The following DPY19L1 variants were observed in gnomAD, a reference collection of about 807,000 sequenced individuals.
DPY19L1 encodes the protein protein C-mannosyl-transferase DPY19L1.
DPY19L1 carries 35 observed loss-of-function variants against 96.9 expected under a neutral mutation model. The observed-to-expected ratio is 0.36, with a 90% CI of 0.28 to 0.48. The LOEUF (loss-of-function observed/expected upper bound fraction) is 0.48. DPY19L1 is among the 20% of genes least tolerant of loss of function. The probability of loss-of-function intolerance (pLI) is 0.99; values close to 1 mark genes in which losing one functional copy is unlikely to be tolerated. For missense variants in DPY19L1, 521 were observed against 777.9 expected (o/e 0.67, Z 3.93); for synonymous variants, 205 against 252.6 (o/e 0.81, Z 1.79).
Position 34,958,085 on chromosome 7 carries a change from G to GA in DPY19L1, c.1093-16dup. ...GCAAGAGAAATCTGGAAAAATCCAA[G>GA]AAAAAAATATAAGTAATGCACATAA... On this transcript the variant is annotated splice_polypyrimidine_tract_variant and intron_variant, in intron 10 of 21. Transcript: ENST00000638088. The GA allele has an allele frequency of 1.9e-6, 3 of 1,546,664 alleles. No homozygotes were observed. The highest frequency in any genetic ancestry group is 1.2e-5 in the South Asian group (1 of 81,388).
At chr7:34,969,000 T>C (rs1470574997) in intron 9 of DPY19L1, among the ~76,000 whole-genome samples, 1 of 152,090 alleles carries the variant, frequency 6.6e-6, no homozygotes, top group Non-Finnish European at 1.5e-5. Flanking sequence ...CTATTTATCC[T>C]GTAATCCTAT....
intron 20 of DPY19L1, 150 bp downstream of exon 20, chr7:34,939,126 C>A: frequency 1.6e-6 from 1 of 631,748 alleles, no homozygotes; most frequent in South Asian, 2.5e-5. Context: ...TAGAGCTTAG[C>A]GGTCTTATTT....
Position 34,966,946 on chromosome 7 carries a change from A to G in DPY19L1, c.1040T>C (p.Val347Ala), listed in dbSNP as rs752104609. Reference protein sequence around the residue: ...TQIASLFAVYVVGYIDICKLR... With the variant: ...TQIASLFAVYAVGYIDICKLR... ...TTTACATATATCAATGTACCCGACA[A>G]CATATACTGCAAATAATGATGCAAT... The change falls in exon 10 of 22, where the codon GTT (valine) becomes GCT (alanine). Residue 347 changes from valine to alanine, a missense_variant. Transcript: ENST00000638088. 17 of 1,541,886 alleles carry G rather than the reference A, an allele frequency of 1.1e-5. No individual in the cohort carries two copies. Among genetic ancestry groups the G allele is most frequent in the Non-Finnish European group, 1.5e-5 (17 of 1,145,896 alleles).
Position 34,929,619 on chromosome 7 carries a change from A to G in DPY19L1, c.*1954T>C, listed in dbSNP as rs181596454. ...AAATTGTAACTGCTGGATGTACACAATCAGCCACACTCAGGTGAGCAACAA... is the reference window on the plus strand; with the variant it reads ...AAATTGTAACTGCTGGATGTACACAGTCAGCCACACTCAGGTGAGCAACAA... On this transcript the variant is annotated 3_prime_UTR_variant, in exon 22 of 22. Transcript: ENST00000638088. 420 of 152,300 alleles carry G rather than the reference A, an allele frequency of 2.8e-3. 1 individual carries two copies. Among genetic ancestry groups the G allele is most frequent in the African/African-American group, 9.7e-3 (403 of 41,566 alleles). 9.4% of individuals were successfully genotyped at this position (152,300 alleles called of 1,614,324 possible).
intron 21 of DPY19L1, 77 bp downstream of exon 21, chr7:34,937,917 C>T: frequency 6.7e-7 from 1 of 1,494,054 alleles, no homozygotes; most frequent in South Asian, 1.2e-5. Context: ...CCCCCGCCAC[C>T]AGCAAAGCAT....
At chr7:35,036,628 A>T (rs1019870737) in intron 1 of DPY19L1, among the ~76,000 whole-genome samples, 1 of 152,138 alleles carries the variant, frequency 6.6e-6, no homozygotes, top group East Asian at 1.9e-4. Flanking sequence ...AAAGTACGCT[A>T]AAATTTAATT....
intron 11 of DPY19L1, among the ~76,000 whole-genome samples, chr7:34,956,711 G>T (rs1376608999): frequency 1.3e-5 from 2 of 151,964 alleles, no homozygotes; most frequent in East Asian, 1.9e-4. Context: ...CACCTTGTTA[G>T]CCAGGATGGT....
At chr7:35,029,112 T>G (rs1485935918) in intron 1 of DPY19L1, among the ~76,000 whole-genome samples, 1 of 152,208 alleles carries the variant, frequency 6.6e-6, no homozygotes, top group Non-Finnish European at 1.5e-5. Flanking sequence ...CCTAACCTTC[T>G]GGTAATGCAG....
intron 6 of DPY19L1, among the ~76,000 whole-genome samples, chr7:35,004,715 T>C (rs1338126272): frequency 6.6e-6 from 1 of 152,212 alleles, no homozygotes; most frequent in Non-Finnish European, 1.5e-5. Context: ...TAGCAATGCA[T>C]AAAATAAAGT....
intron 8 of DPY19L1, 29 bp downstream of exon 8, chr7:34,973,484 CA>C: frequency 7.3e-7 from 1 of 1,360,782 alleles, no homozygotes. Flanking sequence ...TTATTTAATG[CA>C]AAAAGAAATA....
At chr7:34,975,717 C>G (rs935551084) in intron 7 of DPY19L1, among the ~76,000 whole-genome samples, 1 of 152,128 alleles carries the variant, frequency 6.6e-6, no homozygotes, top group Non-Finnish European at 1.5e-5. Flanking sequence ...CTTGTTAGAC[C>G]TAATGCAACC....
chr7:34,956,290 A>G lies in DPY19L1; in HGVS notation c.1180-923T>C, dbSNP rs187374696. On this transcript the variant is annotated intron_variant, in intron 11 of 21. Coordinates refer to ENST00000638088, the MANE Select transcript of DPY19L1 (RefSeq NM_001366673.1). ...ACATGAGAAAATACATATGTAAAAT[A>G]TACAACTGAGTACTTTGTCACCTTT... Among the ~76,000 whole-genome samples, 350 of 151,784 alleles carry G rather than the reference A, an allele frequency of 2.3e-3. 1 individual carries two copies. The highest frequency in any genetic ancestry group is 3.7e-3 in the Non-Finnish European group (251 of 67,950).
At chr7:34,937,857 T>TA (rs964604633) in intron 21 of DPY19L1, 137 bp downstream of exon 21, 8,901 of 775,006 alleles carry the variant, frequency 0.011, 2 homozygotes, top group South Asian at 0.013. Flanking sequence ...AGAGCCTGTT[T>TA]AAAAAAAAAA....
chr7:35,023,101 T>G (rs1490835027), intron 1 of DPY19L1, among the ~76,000 whole-genome samples: 1 of 151,992 alleles, frequency 6.6e-6, no homozygotes, highest in African/African-American at 2.4e-5. Flanking sequence ...GTCTGGCCGG[T>G]AGAGAGCAGG....
intron 7 of DPY19L1, among the ~76,000 whole-genome samples, chr7:34,980,003 T>C (rs1013195079): frequency 2.0e-5 from 3 of 152,124 alleles, no homozygotes; most frequent in African/African-American, 4.8e-5. Flanking sequence ...CTATGAGATA[T>C]TGAACTTATA....
intron 10 of DPY19L1, among the ~76,000 whole-genome samples, chr7:34,960,264 T>C (rs1054460966): frequency 6.6e-6 from 1 of 152,024 alleles, no homozygotes; most frequent in African/African-American, 2.4e-5. Flanking sequence ...TTTATAGTTA[T>C]ATCTGTTCAA....
chr7:35,026,958 AG>A (rs892769605), intron 1 of DPY19L1, among the ~76,000 whole-genome samples: 5 of 152,138 alleles, frequency 3.3e-5, no homozygotes, highest in African/African-American at 1.2e-4. Context: ...GCACTTTGGG[AG>A]GCCGAGGCAG....
chr7:34,939,357 G>A lies in DPY19L1; in HGVS notation c.1883C>T (p.Ala628Val). 1.9e-6 allele frequency: 3 copies of A among 1,613,894 alleles called. No homozygotes were observed. Among genetic ancestry groups the A allele is most frequent in the Non-Finnish European group, 2.5e-6 (3 of 1,179,880 alleles). Residue 628 changes from alanine to valine, a missense_variant, in exon 20 of 22, where the codon GCC becomes GTC. By Grantham distance (64) the Ala-to-Val change is moderately conservative. Coordinates refer to ENST00000638088, the MANE Select transcript of DPY19L1 (RefSeq NM_001366673.1). ...CTTAACACTTGCCATCGTGGGCATG[G>A]CACCCGCAAACACTGCATCTGGAAG... ...STKPDAVFAGAMPTMASVKLS... is the reference protein window; with the variant it reads ...STKPDAVFAGVMPTMASVKLS...
At chr7:35,026,754 T>G (rs1460615906) in intron 1 of DPY19L1, among the ~76,000 whole-genome samples, 1 of 152,226 alleles carries the variant, frequency 6.6e-6, no homozygotes, top group African/African-American at 2.4e-5. Flanking sequence ...CAAAACGTGA[T>G]AGCTGAAAAT....
Sources: gnomAD v4.1 joint callset for allele counts (sites outside exome capture counted in the v4.1 genomes callset) on GRCh38, gnomAD v4.1.1 for gene constraint, MANE v1.5 for transcripts, NCBI Gene and HGNC (gene_info 2026-07-23, HGNC 2026-07-21) for gene names.